PLCE1: variants seen among roughly 807,000 people sequenced by gnomAD.
PLCE1 encodes 1-phosphatidylinositol 4,5-bisphosphate phosphodiesterase epsilon-1.
In PLCE1, 119 loss-of-function variants were observed where a neutral mutation model predicts 242.8. The ratio of observed to expected loss-of-function variants is 0.49; its 90% CI spans 0.42 to 0.57. The LOEUF is 0.57. Among genes scored for constraint, PLCE1 ranks in the 20% least tolerant of loss-of-function variants. PLCE1 has a pLI of 0.00. For missense variants in PLCE1, 2,441 were observed against 2,788.8 expected (o/e 0.88, Z 2.81); for synonymous variants, 945 against 1,017.4 (o/e 0.93, Z 1.35).
At chr10:94,247,024 A>C (rs2050707866) in intron 8 of PLCE1, among the ~76,000 whole-genome samples, 1 of 151,540 alleles carries the variant, frequency 6.6e-6, no homozygotes, top group Non-Finnish European at 1.5e-5. Context: ...AGGCAGGAGA[A>C]TCGCTGGAAC....
chr10:94,044,143 CAG>C (rs1353469363), intron 2 of PLCE1, among the ~76,000 whole-genome samples: 2 of 152,154 alleles, frequency 1.3e-5, no homozygotes, highest in African/African-American at 2.4e-5. Context: ...CTGTTTTTCT[CAG>C]AGTTTTTATT....
At position 94,134,097 on chromosome 10, in the gene PLCE1, CT is replaced by C. The variant is rs1382451027; in HGVS notation, c.1492+1653del. Among the ~76,000 whole-genome samples the C allele has an allele frequency of 9.5e-3, 1,331 of 139,890 alleles. 20 individuals carry two copies. The highest frequency in any genetic ancestry group is 0.027 in the African/African-American group (1,042 of 38,310). The allele number at this position is 139,890 out of a possible 152,430, so 91.8% of individuals were successfully genotyped here. A position where few individuals can be genotyped will look rare whatever the true frequency, so the allele number is the denominator to read the frequency against. ...ACCCCTCCCATTTGGTTTTCAAAGT[CT>C]TTTTTTTTTTTTTTCTTTTTGAGAT... On this transcript the variant is annotated intron_variant, in intron 3 of 32. Coordinates refer to ENST00000371380, the MANE Select transcript of PLCE1 (RefSeq NM_016341.4).
At position 94,198,804 on chromosome 10, in the gene PLCE1, T is replaced by C. The variant is rs150194164; in HGVS notation, c.1809+27308T>C. Among the ~76,000 whole-genome samples, 839 of 152,310 alleles carry C rather than the reference T, an allele frequency of 5.5e-3. 13 individuals carry two copies. Among genetic ancestry groups the C allele is most frequent in the African/African-American group, 0.019 (783 of 41,560 alleles). ...ATGCACACCTGTTAATCCCAGCATT[T>C]TGGGAGGCCAAGGTGGGAGTATCAC... On this transcript the variant is annotated intron_variant, in intron 4 of 32. Coordinates refer to ENST00000371380, the MANE Select transcript of PLCE1 (RefSeq NM_016341.4).
At chr10:94,061,591 A>T (rs1017998304) in intron 2 of PLCE1, among the ~76,000 whole-genome samples, 1 of 152,160 alleles carries the variant, frequency 6.6e-6, no homozygotes, top group African/African-American at 2.4e-5. Flanking sequence ...TCATGCCTAT[A>T]GTCCCAGCAC....
At chr10:94,141,532 AAGGTGAAGGGAAGGCTAAGGG>A (rs2046956636) in intron 3 of PLCE1, among the ~76,000 whole-genome samples, 1 of 130,656 alleles carries the variant, frequency 7.7e-6, no homozygotes, top group African/African-American at 2.8e-5. Flanking sequence ...AGGCTAAGGG[AAGGTGAAGGGAAGGCTAAGGG>A]AAGGTGAAGG....
Position 94,332,547 on chromosome 10 carries a change from GTT to G in PLCE1, c.*4606_*4607del, listed in dbSNP as rs1272097981. 7.7e-6 allele frequency: 1 copy of G among 130,228 alleles called. No homozygotes were observed. The highest frequency in any genetic ancestry group is 2.3e-4 in the East Asian group (1 of 4,266). The allele number at this position is 130,228 out of a possible 1,614,324, so 8.1% of individuals were successfully genotyped here. On this transcript the variant is annotated 3_prime_UTR_variant, in exon 33 of 33. Transcript: ENST00000371380. Reference sequence around the variant, plus strand: ...TGTGTGTGTGTGTGTGTGTGTGTGTGTTTAAACATAAGCTTACATATAAGCGT... The same window carrying G: ...TGTGTGTGTGTGTGTGTGTGTGTGTGTAAACATAAGCTTACATATAAGCGT...
At chr10:94,074,099 T>C (rs1216441791) in intron 2 of PLCE1, among the ~76,000 whole-genome samples, 1 of 151,908 alleles carries the variant, frequency 6.6e-6, no homozygotes, top group Non-Finnish European at 1.5e-5. Context: ...CAGTGACCCA[T>C]AAATATCATT....
chr10:94,300,981 G>A (rs1356398281), intron 24 of PLCE1, among the ~76,000 whole-genome samples: 6 of 151,502 alleles, frequency 4.0e-5, no homozygotes, highest in Non-Finnish European at 8.8e-5. Context: ...GGAAGCAGAG[G>A]TTGCAGTGTA....
At chr10:94,025,375 G>A (rs956134872) in intron 1 of PLCE1, among the ~76,000 whole-genome samples, 2 of 152,096 alleles carry the variant, frequency 1.3e-5, no homozygotes, top group Non-Finnish European at 2.9e-5. Flanking sequence ...GGGGAAATTA[G>A]GAGTCTCTGC....
Position 94,306,296 on chromosome 10 carries a change from TTTA to T in PLCE1, c.5623-128_5623-126del. ...TACAATCACTTACTTTTTAAACAGT[TTTA>T]TTCATCATTCACTTTGTCCATTCCA... On this transcript the variant is annotated intron_variant, in intron 25 of 32. Transcript: ENST00000371380. This position sits in a 1 kb window ranked among gnomAD's most constrained non-coding sequence, Gnocchi z 5.7. 6.6e-7 allele frequency: 1 copy of T among 1,510,906 alleles called. No homozygotes were observed. The highest frequency in any genetic ancestry group is 9.2e-7 in the Non-Finnish European group (1 of 1,090,748). The allele number at this position is 1,510,906 out of a possible 1,614,324, so 93.6% of individuals were successfully genotyped here.
chr10:94,170,426 C>A (rs1461313231), intron 3 of PLCE1, among the ~76,000 whole-genome samples: 1 of 152,212 alleles, frequency 6.6e-6, no homozygotes, highest in Admixed American at 6.5e-5. Context: ...TTACAGAAAT[C>A]ATTTTGAGCC....
At chr10:94,080,395 A>C (rs1292361753) in intron 2 of PLCE1, among the ~76,000 whole-genome samples, 1 of 152,116 alleles carries the variant, frequency 6.6e-6, no homozygotes, top group Admixed American at 6.5e-5. Context: ...CCCTTCTCCT[A>C]GCTAAGATCA....
intron 4 of PLCE1, among the ~76,000 whole-genome samples, chr10:94,192,687 T>C (rs2048705413): frequency 6.6e-6 from 1 of 152,152 alleles, no homozygotes; most frequent in African/African-American, 2.4e-5. Context: ...TTTCTTTGGG[T>C]ATATACCCAG....
Position 94,283,874 on chromosome 10 carries a change from T to C in PLCE1, c.4880T>C (p.Ile1627Thr). Residue 1627 changes from isoleucine to threonine, a missense_variant, in exon 21 of 33, where the codon ATA (isoleucine) becomes ACA (threonine). Physicochemically the swap from Ile to Thr is moderately conservative, Grantham distance 89. This residue lies in a region of PLCE1 where 1,004 missense variants were observed against 1,322.7 expected (regional missense o/e 0.76). Coordinates refer to ENST00000371380, the MANE Select transcript of PLCE1 (RefSeq NM_016341.4). ...FEYNEEIPKR[I>T]KKADNSACNK... ...TATAATGAAGAAATCCCAAAGAGGA[T>C]AAAGAAAGCAGATAACTCTGCTTGC... The C allele has an allele frequency of 6.2e-7, 1 of 1,612,190 alleles. No homozygotes were observed. Among genetic ancestry groups the C allele is most frequent in the Non-Finnish European group, 8.5e-7 (1 of 1,178,692 alleles).
chr10:94,000,504 A>G (rs1330000378), intron 1 of PLCE1, among the ~76,000 whole-genome samples: 1 of 152,246 alleles, frequency 6.6e-6, no homozygotes. Context: ...AAGAATTCTA[A>G]CAAATATTAG....
chr10:94,210,357 T>C (rs2049294258), intron 4 of PLCE1, among the ~76,000 whole-genome samples: 1 of 152,168 alleles, frequency 6.6e-6, no homozygotes, highest in Non-Finnish European at 1.5e-5. Flanking sequence ...CCCCATTCCT[T>C]CTGAGGATCT....
intron 16 of PLCE1, among the ~76,000 whole-genome samples, chr10:94,266,575 C>T (rs548309185): frequency 5.9e-5 from 9 of 152,320 alleles, no homozygotes; most frequent in Non-Finnish European, 1.0e-4. Flanking sequence ...CAATGATCTG[C>T]GTGTCCATTG....
At chr10:94,125,018 G>A (rs1182222813) in intron 2 of PLCE1, among the ~76,000 whole-genome samples, 1 of 152,168 alleles carries the variant, frequency 6.6e-6, no homozygotes, top group East Asian at 1.9e-4. Flanking sequence ...TGGTTCAGAT[G>A]AATCCAATGT....
intron 3 of PLCE1, among the ~76,000 whole-genome samples, chr10:94,150,116 C>T (rs902682157): frequency 2.0e-5 from 3 of 152,144 alleles, no homozygotes; most frequent in East Asian, 1.9e-4. Flanking sequence ...AACACACTCC[C>T]GATGTATATG....
Sources: gnomAD v4.1 joint callset for allele counts (sites outside exome capture counted in the v4.1 genomes callset) on GRCh38, gnomAD v4.1.1 for gene constraint, gnomAD v4.1.1 regional missense constraint, Gnocchi (gnomAD v3.1) non-coding constraint, MANE v1.5 for transcripts, NCBI Gene and HGNC (gene_info 2026-07-23, HGNC 2026-07-21) for gene names.